Variants in GLIS3 observed in about 807,000 individuals in gnomAD.
GLIS3 encodes GLIS family zinc finger 3.
GLIS3 carries 53 observed loss-of-function variants against 78.6 expected under a neutral mutation model. The observed-to-expected ratio is 0.67, with a 90% CI of 0.54 to 0.85. GLIS3 has a LOEUF of 0.85. Ranked by LOEUF, GLIS3 falls within the 40% of genes least tolerant of loss-of-function variation. The pLI, the probability that GLIS3 is intolerant of heterozygous loss-of-function variation, is 0.00. For missense variants in GLIS3, 1,703 were observed against 1,231.1 expected (o/e 1.38, Z -5.74); for synonymous variants, 684 against 509.9 (o/e 1.34, Z -4.60).
chr9:4,299,934 G>A lies in GLIS3; in HGVS notation c.-612C>T, dbSNP rs1161429373. 6.6e-6 allele frequency: 1 copy of A among 152,044 alleles called. No homozygotes were observed. The highest frequency in any genetic ancestry group is 1.5e-5 in the Non-Finnish European group (1 of 68,008). The allele number at this position is 152,044 out of a possible 1,614,324, so 9.4% of individuals were successfully genotyped here. Reference sequence around the variant, plus strand: ...GGGTCCCGGGAGGGGCAGTGGCCGCGGCACTCGCCGCCGGTGCCCGTGCGC... The same window carrying A: ...GGGTCCCGGGAGGGGCAGTGGCCGCAGCACTCGCCGCCGGTGCCCGTGCGC... On this transcript the variant is annotated 5_prime_UTR_variant, in exon 1 of 11. Transcript: ENST00000381971.
intron 4 of GLIS3, among the ~76,000 whole-genome samples, chr9:4,106,392 G>A (rs187301121): frequency 6.6e-6 from 1 of 152,162 alleles, no homozygotes; most frequent in African/African-American, 2.4e-5. Context: ...TTTCTAAGAA[G>A]GGCGAATGCC....
At position 3,829,459 on chromosome 9, in the gene GLIS3, G is replaced by T; in HGVS notation, c.2507C>A (p.Pro836Gln). Reference sequence around the variant, plus strand: ...AATTCTCTGGGAATCGGGGTAGTGTGGGGGACAGAACTTCTGCAGCTGCCC... The same window carrying T: ...AATTCTCTGGGAATCGGGGTAGTGTTGGGGACAGAACTTCTGCAGCTGCCC... ...FYGQLQKFCP[P>Q]HYPDSQRIVP... The change falls in exon 10 of 11, where the codon CCA (proline) becomes CAA (glutamine). Residue 836 changes from proline (P) to glutamine (Q), a missense_variant. Physicochemically the swap from Pro to Gln is moderately conservative, Grantham distance 76 (BLOSUM62 -1). Transcript: ENST00000381971. 6.2e-7 allele frequency: 1 copy of T among 1,614,128 alleles called. No individual in the cohort carries two copies. Among genetic ancestry groups the T allele is most frequent in the Non-Finnish European group, 8.5e-7 (1 of 1,180,008 alleles).
At chr9:4,350,256 G>A (rs1405388780), upstream of GLIS3, among the ~76,000 whole-genome samples, 5 of 152,204 alleles carry the variant, frequency 3.3e-5, no homozygotes, top group African/African-American at 1.2e-4. Context: ...CCAGCACCTT[G>A]GAGAGCAAAG....
intron 4 of GLIS3, among the ~76,000 whole-genome samples, chr9:3,969,752 C>T (rs961115377): frequency 6.6e-6 from 1 of 152,128 alleles, no homozygotes; most frequent in African/African-American, 2.4e-5. Flanking sequence ...GTTCCATGAC[C>T]AAGCTTGTCA....
intron 2 of GLIS3, among the ~76,000 whole-genome samples, chr9:4,226,996 A>G (rs556082088): frequency 6.6e-6 from 1 of 152,338 alleles, no homozygotes; most frequent in South Asian, 2.1e-4. Context: ...AGAACTAGCA[A>G]CAGGAGCATC....
At chr9:4,192,580 T>C (rs1038166058) in intron 2 of GLIS3, among the ~76,000 whole-genome samples, 1 of 152,220 alleles carries the variant, frequency 6.6e-6, no homozygotes, top group Non-Finnish European at 1.5e-5. Context: ...AATATCAAAA[T>C]TGGCTCATTT....
intron 4 of GLIS3, among the ~76,000 whole-genome samples, chr9:4,055,154 G>C (rs1191765132): frequency 6.6e-6 from 1 of 152,178 alleles, no homozygotes. Flanking sequence ...AGAATGAACA[G>C]TGCAACTGGG....
At chr9:4,166,347 C>T (rs888908600) in intron 2 of GLIS3, among the ~76,000 whole-genome samples, 1 of 152,094 alleles carries the variant, frequency 6.6e-6, no homozygotes, top group East Asian at 1.9e-4. Flanking sequence ...AGCTGCAGCC[C>T]AGGAGACACT....
At chr9:4,294,806 A>G (rs1816337888) in intron 1 of GLIS3, among the ~76,000 whole-genome samples, 1 of 152,178 alleles carries the variant, frequency 6.6e-6, no homozygotes, top group Non-Finnish European at 1.5e-5. Flanking sequence ...TTTATCATAT[A>G]GTTATGCTAC....
chr9:4,460,146 T>C, the GLIS3 span, among the ~76,000 whole-genome samples: 4 of 152,070 alleles, frequency 2.6e-5, no homozygotes, highest in Non-Finnish European at 5.9e-5. Flanking sequence ...GGCTCGGTGG[T>C]GGACCAGTCA....
intron 2 of GLIS3, among the ~76,000 whole-genome samples, chr9:4,321,805 T>A (rs1355517721): frequency 6.6e-6 from 1 of 152,090 alleles, no homozygotes; most frequent in Non-Finnish European, 1.5e-5. Context: ...ACCTCCCGGA[T>A]TCAAGTGATT....
the GLIS3 span, among the ~76,000 whole-genome samples, chr9:4,376,235 G>C: frequency 2.6e-5 from 4 of 152,144 alleles, no homozygotes; most frequent in Admixed American, 2.6e-4. Context: ...GAAGATGTTA[G>C]GAAGGAAACA....
chr9:3,946,719 G>C (rs899847242), intron 4 of GLIS3, among the ~76,000 whole-genome samples: 1 of 152,146 alleles, frequency 6.6e-6, no homozygotes, highest in Non-Finnish European at 1.5e-5. Flanking sequence ...TTCCAAATCT[G>C]AGCTAGATAC....
At chr9:3,866,341 G>C (rs1563792324) in intron 8 of GLIS3, among the ~76,000 whole-genome samples, 1 of 152,110 alleles carries the variant, frequency 6.6e-6, no homozygotes, top group Non-Finnish European at 1.5e-5. Flanking sequence ...AGAGTAAAGG[G>C]AGCCAGCTAC....
the GLIS3 span, among the ~76,000 whole-genome samples, chr9:4,407,713 A>G: frequency 1.9e-3 from 293 of 152,318 alleles, 1 homozygote; most frequent in African/African-American, 6.7e-3. Flanking sequence ...TCTGGGCAAG[A>G]ATTTATCGAG....
chr9:4,021,228 C>T (rs1402914321), intron 4 of GLIS3, among the ~76,000 whole-genome samples: 1 of 152,110 alleles, frequency 6.6e-6, no homozygotes, highest in Non-Finnish European at 1.5e-5. Context: ...TAAAAACCAA[C>T]TTTGGAGGAT....
At chr9:4,336,188 A>C (rs918847679) in intron 2 of GLIS3, among the ~76,000 whole-genome samples, 1 of 152,214 alleles carries the variant, frequency 6.6e-6, no homozygotes, top group African/African-American at 2.4e-5. Context: ...TCCCTGACCT[A>C]ATCTTGGGAG....
At chr9:4,423,339 A>G in the GLIS3 span, among the ~76,000 whole-genome samples, 1 of 152,108 alleles carries the variant, frequency 6.6e-6, no homozygotes, top group African/African-American at 2.4e-5. Flanking sequence ...TCTGAGTTGC[A>G]TCTTAGTCTT....
chr9:4,305,205 C>T (rs1485969002), intron 4 of GLIS3: 1 of 152,214 alleles, frequency 6.6e-6, no homozygotes, highest in African/African-American at 2.4e-5. Context: ...ATTACCTTTT[C>T]AGGGCAGGAA....
Sources: gnomAD v4.1 joint callset for allele counts (sites outside exome capture counted in the v4.1 genomes callset) on GRCh38, gnomAD v4.1.1 for gene constraint, MANE v1.5 for transcripts, NCBI Gene and HGNC (gene_info 2026-07-23, HGNC 2026-07-21) for gene names.